EYA1: variants seen among roughly 807,000 people sequenced by gnomAD.
EYA1 encodes the protein protein phosphatase EYA1.
A neutral mutation model predicts 82.0 loss-of-function variants in EYA1; 16 were observed. The observed-to-expected ratio is 0.20, with a 90% CI of 0.13 to 0.30. EYA1 has a LOEUF of 0.30. Ranked by LOEUF, EYA1 falls within the 10% of genes least tolerant of loss-of-function variation. The pLI is 1.00. For missense variants in EYA1, 633 were observed against 730.7 expected (o/e 0.87, Z 1.54); for synonymous variants, 261 against 264.4 (o/e 0.99, Z 0.12).
chr8:71,232,117 G>A (rs1196809975), intron 12 of EYA1, among the ~76,000 whole-genome samples: 1 of 152,168 alleles, frequency 6.6e-6, no homozygotes, highest in African/African-American at 2.4e-5. Context: ...CTAACCAAGT[G>A]GCTTTGGGCA....
intron 2 of EYA1, among the ~76,000 whole-genome samples, chr8:71,407,871 A>C (rs1436137522): frequency 6.7e-6 from 1 of 150,030 alleles, no homozygotes; most frequent in Non-Finnish European, 1.5e-5. Flanking sequence ...AATACAGAGA[A>C]CACCACAAAG....
chr8:71,277,307 G>A (rs1005175530), intron 9 of EYA1, among the ~76,000 whole-genome samples: 1 of 151,530 alleles, frequency 6.6e-6, no homozygotes, highest in African/African-American at 2.4e-5. Flanking sequence ...CGTGACACCA[G>A]GCTAATTTTT....
chr8:71,427,183 T>C (rs923691829), intron 2 of EYA1, among the ~76,000 whole-genome samples: 4 of 152,212 alleles, frequency 2.6e-5, no homozygotes, highest in Non-Finnish European at 5.9e-5. Flanking sequence ...TTCATGTTTT[T>C]CCCTTCTCTT....
intron 2 of EYA1, among the ~76,000 whole-genome samples, chr8:71,402,740 C>T (rs1023330968): frequency 3.9e-5 from 6 of 151,954 alleles, no homozygotes; most frequent in African/African-American, 7.3e-5. Flanking sequence ...AAATGGTATG[C>T]TTTTGGCATA....
chr8:71,456,775 A>C (rs543645515), intron 2 of EYA1, among the ~76,000 whole-genome samples: 91 of 152,350 alleles, frequency 6.0e-4, no homozygotes, highest in African/African-American at 2.2e-3. Context: ...TGGATTAAAG[A>C]CTTAAAGGTT....
intron 16 of EYA1, among the ~76,000 whole-genome samples, chr8:71,213,007 G>A (rs1031977267): frequency 2.0e-5 from 3 of 152,070 alleles, no homozygotes; most frequent in African/African-American, 7.2e-5. Flanking sequence ...GAACCCAGGA[G>A]GCACAGGCTG....
At chr8:71,358,526 T>A (rs1158369663) in intron 1 of EYA1, among the ~76,000 whole-genome samples, 1 of 152,210 alleles carries the variant, frequency 6.6e-6, no homozygotes, top group Non-Finnish European at 1.5e-5. Context: ...TAATCCTCAC[T>A]TAGGCTGGTC....
At chr8:71,261,640 A>G (rs1815123369) in intron 11 of EYA1, among the ~76,000 whole-genome samples, 1 of 152,232 alleles carries the variant, frequency 6.6e-6, no homozygotes, top group East Asian at 1.9e-4. Flanking sequence ...TCAACATTCC[A>G]AAGACTAATT....
At chr8:71,256,895 A>G (rs1218702341) in intron 11 of EYA1, among the ~76,000 whole-genome samples, 1 of 152,028 alleles carries the variant, frequency 6.6e-6, no homozygotes, top group Non-Finnish European at 1.5e-5. Context: ...GCTACATGGG[A>G]GGCTGAGGTA....
intron 2 of EYA1, among the ~76,000 whole-genome samples, chr8:71,527,348 G>A (rs1813896223): frequency 6.6e-6 from 1 of 152,124 alleles, no homozygotes; most frequent in South Asian, 2.1e-4. Flanking sequence ...ATTAACTTCA[G>A]TTATCCTATA....
intron 3 of EYA1, among the ~76,000 whole-genome samples, chr8:71,350,109 A>G (rs1269376412): frequency 6.6e-6 from 1 of 152,210 alleles, no homozygotes; most frequent in Non-Finnish European, 1.5e-5. Context: ...TCTTCCAGAA[A>G]CTAAATCCTG....
intron 4 of EYA1, among the ~76,000 whole-genome samples, chr8:71,325,952 G>T (rs994581498): frequency 6.6e-6 from 1 of 152,082 alleles, no homozygotes; most frequent in Non-Finnish European, 1.5e-5. Context: ...TAATTTCACA[G>T]GACCAAAATC....
intron 9 of EYA1, among the ~76,000 whole-genome samples, chr8:71,296,065 T>C (rs1484226562): frequency 1.3e-5 from 2 of 152,196 alleles, no homozygotes; most frequent in Non-Finnish European, 2.9e-5. Context: ...TTATGTGAAT[T>C]TTTTTAATTA....
At chr8:71,322,142 A>G (rs1262506019) in intron 5 of EYA1, 57 bp downstream of exon 5, 13 of 1,416,620 alleles carry the variant, frequency 9.2e-6, no homozygotes, top group African/African-American at 8.4e-5. Flanking sequence ...ATGACTTTAA[A>G]TAAATAAAAG....
chr8:71,226,723 T>C (rs1810602154), intron 12 of EYA1, among the ~76,000 whole-genome samples: 2 of 151,118 alleles, frequency 1.3e-5, no homozygotes, highest in Admixed American at 6.6e-5. Flanking sequence ...TATATTACAT[T>C]TGATCTAATG....
At chr8:71,418,963 G>A (rs1259671726) in intron 2 of EYA1, among the ~76,000 whole-genome samples, 1 of 152,152 alleles carries the variant, frequency 6.6e-6, no homozygotes, top group South Asian at 2.1e-4. Context: ...GTTAGAATAC[G>A]CTTAAAGCAC....
intron 2 of EYA1, among the ~76,000 whole-genome samples, chr8:71,511,415 C>T (rs1009039378): frequency 6.6e-6 from 1 of 152,150 alleles, no homozygotes. Flanking sequence ...TAGAAATGTG[C>T]AGAAAACTGG....
chr8:71,377,078 AC>A (rs1224571066), intron 2 of EYA1, among the ~76,000 whole-genome samples: 3 of 151,882 alleles, frequency 2.0e-5, no homozygotes, highest in African/African-American at 7.3e-5. Context: ...TACTTTGGTG[AC>A]CCCCAATGAA....
At chr8:71,242,112 G>A (rs1812541769) in intron 12 of EYA1, among the ~76,000 whole-genome samples, 1 of 152,122 alleles carries the variant, frequency 6.6e-6, no homozygotes, top group African/African-American at 2.4e-5. Context: ...GGGATGCTGA[G>A]GCAGAATTGC....
Sources: allele counts gnomAD v4.1 joint callset (sites outside exome capture counted in the v4.1 genomes callset), GRCh38; gene constraint gnomAD v4.1.1; transcripts MANE v1.5; gene names NCBI Gene and HGNC (gene_info 2026-07-23, HGNC 2026-07-21).